PDE8B: variants seen among roughly 807,000 people sequenced by gnomAD.
The protein encoded by PDE8B is high affinity cAMP-specific and IBMX-insensitive 3',5'-cyclic phosphodiesterase 8B.
In PDE8B, 26 loss-of-function variants were observed where a neutral mutation model predicts 101.3. The ratio of observed to expected loss-of-function variants is 0.26; its 90% CI spans 0.19 to 0.36. The LOEUF (loss-of-function observed/expected upper bound fraction) is 0.36, where lower values mean the gene tolerates loss of function less well. Ranked by LOEUF, PDE8B falls within the 10% of genes least tolerant of loss-of-function variation. PDE8B has a pLI of 1.00. For synonymous variants in PDE8B, 424 were observed against 429.3 expected (o/e 0.99, Z 0.15); for missense variants, 810 against 1,163.1 (o/e 0.70, Z 4.42).
At chr5:77,252,102 G>A (rs182820237) in intron 1 of PDE8B, among the ~76,000 whole-genome samples, 2 of 152,262 alleles carry the variant, frequency 1.3e-5, no homozygotes, top group East Asian at 3.9e-4. Context: ...GGTGTTGTCT[G>A]GTGACTGACT....
At chr5:77,112,255 G>C in the PDE8B span, 1 of 152,004 alleles carries the variant, frequency 6.6e-6, no homozygotes, top group African/African-American at 2.4e-5. Flanking sequence ...TACAAAAAGA[G>C]GTACATAATA....
chr5:77,312,105 CTTTTTTTT>C (rs11395504), intron 2 of PDE8B, 52 bp downstream of exon 2: 5 of 871,010 alleles, frequency 5.7e-6, no homozygotes, highest in Non-Finnish European at 8.7e-6. Context: ...TTTTTTTTTT[CTTTTTTTT>C]TTTTTTTTGA....
the PDE8B span, among the ~76,000 whole-genome samples, chr5:77,174,281 G>T: frequency 2.6e-5 from 4 of 152,140 alleles, no homozygotes; most frequent in Non-Finnish European, 5.9e-5. Flanking sequence ...CCCTGTCTCT[G>T]TTTTTATGGG....
chr5:77,358,631 T>C lies in PDE8B; in HGVS notation c.1167+5225T>C, dbSNP rs376791316. Reference sequence around the variant, plus strand: ...ACTTCTGTCTTATCCCGAATTCTTATTCCATGTAGAGTTGATCTATATGTA... The same window carrying C: ...ACTTCTGTCTTATCCCGAATTCTTACTCCATGTAGAGTTGATCTATATGTA... On this transcript the variant is annotated intron_variant, in intron 10 of 21. Coordinates refer to ENST00000264917, the MANE Select transcript of PDE8B (RefSeq NM_003719.5). 3.9e-5 allele frequency among the ~76,000 whole-genome samples: 6 copies of C among 152,374 alleles called. No homozygotes were observed. In the East Asian group the frequency reaches 5.8e-4, roughly 15 times the overall value.
At chr5:77,247,778 CAA>C (rs1757272914) in intron 1 of PDE8B, among the ~76,000 whole-genome samples, 1 of 151,858 alleles carries the variant, frequency 6.6e-6, no homozygotes, top group Non-Finnish European at 1.5e-5. Flanking sequence ...TGGTTTCCCT[CAA>C]GAGAGGTGGA....
At chr5:77,365,699 A>G (rs1299000862) in intron 10 of PDE8B, among the ~76,000 whole-genome samples, 1 of 152,214 alleles carries the variant, frequency 6.6e-6, no homozygotes, top group Non-Finnish European at 1.5e-5. Context: ...AGCTTGGAGC[A>G]TAGCTTGGGC....
chr5:77,289,165 A>C (rs1056304556), intron 1 of PDE8B, among the ~76,000 whole-genome samples: 6 of 152,196 alleles, frequency 3.9e-5, no homozygotes, highest in African/African-American at 1.2e-4. Flanking sequence ...ATGCCTGGGA[A>C]TATTATATCA....
Position 77,427,401 on chromosome 5 carries a change from T to TA in PDE8B, c.*864dup, listed in dbSNP as rs10536220. On this transcript the variant is annotated 3_prime_UTR_variant, in exon 22 of 22. Transcript: ENST00000264917. ...TGAATGCCCTTGGACAAGCTTTTCT[T>TA]AAAAAAAAAAAAAAAAAGTTTATAT... 3.2e-3 allele frequency: 464 copies of TA among 144,490 alleles called. 4 individuals carry two copies. Among genetic ancestry groups the TA allele is most frequent in the East Asian group, 0.029 (144 of 4,926 alleles). 9.0% of individuals were successfully genotyped at this position (144,490 alleles called of 1,614,324 possible).
chr5:77,209,274 A>G (rs953903732), upstream of PDE8B, among the ~76,000 whole-genome samples: 29 of 152,304 alleles, frequency 1.9e-4, no homozygotes, highest in African/African-American at 5.8e-4. Flanking sequence ...TGGGAATGAT[A>G]TCTTGCTTCT....
At chr5:77,111,679 T>C in the PDE8B span, among the ~76,000 whole-genome samples, 1 of 152,228 alleles carries the variant, frequency 6.6e-6, no homozygotes, top group African/African-American at 2.4e-5. Flanking sequence ...ATTTTTCTGA[T>C]ACCTGTTTTT....
Position 77,349,477 on chromosome 5 carries a change from A to G in PDE8B, c.935A>G (p.Lys312Arg), listed in dbSNP as rs891852526. ...MGYHKGELLG[K>R]ELADLPKSDK... Reference sequence around the variant, plus strand: ...TACCACAAAGGTGAGCTCCTGGGAAAAGAACTCGCTGATCTGCCCAAAAGC... The same window carrying G: ...TACCACAAAGGTGAGCTCCTGGGAAGAGAACTCGCTGATCTGCCCAAAAGC... Residue 312 changes from lysine (K) to arginine (R), a missense_variant, in exon 8 of 22, where the codon AAA becomes AGA. Lys to Arg is a conservative substitution (Grantham distance 26, BLOSUM62 2). Transcript: ENST00000264917. 2 of 1,614,186 alleles carry G rather than the reference A, an allele frequency of 1.2e-6. No homozygotes were observed. The highest frequency in any genetic ancestry group is 1.3e-5 in the African/African-American group (1 of 75,058).
chr5:77,222,893 G>T lies in PDE8B; in HGVS notation c.339+11629G>T, dbSNP rs6866018. 3.8e-3 allele frequency among the ~76,000 whole-genome samples: 575 copies of T among 152,318 alleles called. 2 individuals are homozygous for T. The highest frequency in any genetic ancestry group is 0.013 in the African/African-American group (545 of 41,572). On this transcript the variant is annotated intron_variant, in intron 1 of 21. Transcript: ENST00000264917. The stretch of plus-strand genomic sequence containing the variant: ...CTAAGCCTGGAGCTCAAAGCTGCCA[G>T]ACATAAATAGGATCCAAGAGAACTG...
At chr5:77,350,533 G>A (rs1050428259) in intron 8 of PDE8B, among the ~76,000 whole-genome samples, 2 of 151,940 alleles carry the variant, frequency 1.3e-5, no homozygotes, top group South Asian at 2.1e-4. Context: ...CCTCTTTCAC[G>A]GAAGCTAAGA....
At chr5:77,278,834 A>AT (rs1210681657) in intron 1 of PDE8B, among the ~76,000 whole-genome samples, 2 of 152,070 alleles carry the variant, frequency 1.3e-5, no homozygotes, top group African/African-American at 4.8e-5. Flanking sequence ...TACAACATCA[A>AT]TTTTTTACGC....
chr5:77,278,226 A>C (rs912644107), intron 1 of PDE8B, among the ~76,000 whole-genome samples: 5 of 152,334 alleles, frequency 3.3e-5, no homozygotes, highest in Admixed American at 2.6e-4. Context: ...ACTGTCTTGC[A>C]GTTCCATGCT....
At chr5:77,271,540 T>G (rs1025577943) in intron 1 of PDE8B, among the ~76,000 whole-genome samples, 1 of 152,178 alleles carries the variant, frequency 6.6e-6, no homozygotes, top group Non-Finnish European at 1.5e-5. Context: ...TGGGGAAGTT[T>G]ATTTATTTGT....
At chr5:77,412,363 G>A in intron 16 of PDE8B, 128 bp downstream of exon 16, 3 of 876,602 alleles carry the variant, frequency 3.4e-6, no homozygotes, top group Non-Finnish European at 5.6e-6. Flanking sequence ...CTCATGCCAT[G>A]TTAGAGTAGT....
intron 4 of PDE8B, 82 bp downstream of exon 4, chr5:77,329,139 A>C: frequency 1.9e-6 from 2 of 1,051,854 alleles, no homozygotes; most frequent in South Asian, 2.6e-5. Flanking sequence ...TTTTTGAGCT[A>C]TCTAAGCAAT....
chr5:77,250,986 C>A (rs1757948856), intron 1 of PDE8B, among the ~76,000 whole-genome samples: 2 of 152,144 alleles, frequency 1.3e-5, no homozygotes, highest in African/African-American at 4.8e-5. Context: ...TGTAATTCAG[C>A]CACATTATAG....
Sources: allele counts gnomAD v4.1 joint callset (sites outside exome capture counted in the v4.1 genomes callset), GRCh38; gene constraint gnomAD v4.1.1; transcripts MANE v1.5; gene names NCBI Gene and HGNC (gene_info 2026-07-23, HGNC 2026-07-21).